Variants in LMX1B observed in about 807,000 individuals in gnomAD.
LMX1B encodes the protein LIM homeobox transcription factor 1-beta.
Under a neutral mutation model 51.4 loss-of-function variants are expected in LMX1B, and 12 were observed. That is an observed-to-expected ratio of 0.23 (90% CI 0.15 to 0.38). LMX1B has a LOEUF of 0.38. Ranked by LOEUF, LMX1B falls within the 10% of genes least tolerant of loss-of-function variation. LMX1B has a pLI of 1.00. For synonymous variants in LMX1B, 237 were observed against 235.4 expected, an observed-to-expected ratio of 1.01 and a Z score of -0.06; for missense variants, 445 against 571.1, an observed-to-expected ratio of 0.78 and a Z score of 2.25.
chr9:126,615,359 G>C lies in LMX1B; in HGVS notation c.140-24G>C. ...GCTGGGCCGGGCGGCGCTGACGGCC[G>C]GGCTTTCGCCCTGTGCGCTACAGGC... On this transcript the variant is annotated intron_variant, in intron 1 of 7. Coordinates refer to ENST00000373474, the MANE Select transcript of LMX1B (RefSeq NM_001174147.2). This position sits in a 1 kb window ranked among gnomAD's most constrained non-coding sequence, Gnocchi z 6.0. 1 of 1,524,880 alleles carries C rather than the reference G, an allele frequency of 6.6e-7. No homozygotes were observed. Among genetic ancestry groups the C allele is most frequent in the Non-Finnish European group, 8.8e-7 (1 of 1,139,424 alleles). 94.5% of individuals were successfully genotyped at this position (1,524,880 alleles called of 1,614,324 possible).
At chr9:126,678,240 G>A (rs1395588994) in intron 2 of LMX1B, among the ~76,000 whole-genome samples, 4 of 151,664 alleles carry the variant, frequency 2.6e-5, no homozygotes, top group African/African-American at 9.7e-5. Context: ...AATCCGGGAG[G>A]TGGAGCTTGC....
intron 2 of LMX1B, among the ~76,000 whole-genome samples, chr9:126,635,596 T>G (rs918082338): frequency 6.6e-6 from 1 of 152,178 alleles, no homozygotes; most frequent in African/African-American, 2.4e-5. Context: ...ACTTACCCTG[T>G]TTTTTTCACC....
chr9:126,624,168 C>G (rs1323650865), intron 2 of LMX1B, among the ~76,000 whole-genome samples: 3 of 152,358 alleles, frequency 2.0e-5, no homozygotes, highest in Admixed American at 6.5e-5. Flanking sequence ...GGCTGAAGCC[C>G]GGAGTCCAGG....
chr9:126,683,607 C>T (rs558549247), intron 2 of LMX1B, among the ~76,000 whole-genome samples: 36 of 152,162 alleles, frequency 2.4e-4, no homozygotes, highest in Non-Finnish European at 4.3e-4. Flanking sequence ...AGCCCCGTCC[C>T]GCCCACAACC....
chr9:126,700,421 C>T lies in LMX1B; in HGVS notation c.*3970C>T, dbSNP rs970332169. Reference sequence around the variant, plus strand: ...CCCCACTCTGCCCCCATCTGAATGTCCTTTTCATGTTGCACGCAGGGAACC... The same window carrying T: ...CCCCACTCTGCCCCCATCTGAATGTTCTTTTCATGTTGCACGCAGGGAACC... On this transcript the variant is annotated 3_prime_UTR_variant, in exon 8 of 8. Transcript: ENST00000373474. 3 of 152,394 alleles carry T rather than the reference C, an allele frequency of 2.0e-5. No homozygotes were observed. The highest frequency in any genetic ancestry group is 6.5e-5 in the Admixed American group (1 of 15,302). 9.4% of individuals were successfully genotyped at this position (152,394 alleles called of 1,614,324 possible).
chr9:126,672,504 C>T (rs1836476335), intron 2 of LMX1B, among the ~76,000 whole-genome samples: 2 of 152,184 alleles, frequency 1.3e-5, no homozygotes, highest in African/African-American at 2.4e-5. Flanking sequence ...AGTTGCCCCT[C>T]TCCCGAGTCT....
chr9:126,629,518 C>T (rs1321728513), intron 2 of LMX1B, among the ~76,000 whole-genome samples: 1 of 152,132 alleles, frequency 6.6e-6, no homozygotes, highest in East Asian at 1.9e-4. Flanking sequence ...CATTGTGTCA[C>T]GAGAAAACTT....
intron 2 of LMX1B, among the ~76,000 whole-genome samples, chr9:126,687,896 CAG>C (rs2029966766): frequency 6.6e-6 from 1 of 152,132 alleles, no homozygotes; most frequent in Non-Finnish European, 1.5e-5. Flanking sequence ...TGGGGGCTCA[CAG>C]AGAAGAGGGA....
intron 2 of LMX1B, among the ~76,000 whole-genome samples, chr9:126,663,444 A>G (rs972661635): frequency 4.0e-5 from 6 of 150,510 alleles, no homozygotes; most frequent in Admixed American, 6.6e-5. Context: ...AAAAAGAAAA[A>G]AAAAAGAATT....
At chr9:126,675,311 G>A (rs564824284) in intron 2 of LMX1B, among the ~76,000 whole-genome samples, 1 of 152,150 alleles carries the variant, frequency 6.6e-6, no homozygotes, top group African/African-American at 2.4e-5. Flanking sequence ...CTCTGGGGAG[G>A]GGACCGATGG....
intron 2 of LMX1B, among the ~76,000 whole-genome samples, chr9:126,637,978 C>T (rs1407013753): frequency 2.6e-5 from 4 of 152,104 alleles, no homozygotes; most frequent in African/African-American, 4.8e-5. Context: ...CCCGAGAGGA[C>T]GCACAATCCC....
At chr9:126,691,643 C>T (rs1354836771) in intron 3 of LMX1B, among the ~76,000 whole-genome samples, 1 of 152,162 alleles carries the variant, frequency 6.6e-6, no homozygotes, top group East Asian at 1.9e-4. Flanking sequence ...TGATGGCCCC[C>T]CACCAACCCG....
At chr9:126,675,000 A>T (rs977551532) in intron 2 of LMX1B, among the ~76,000 whole-genome samples, 4 of 152,214 alleles carry the variant, frequency 2.6e-5, no homozygotes, top group Non-Finnish European at 5.9e-5. Context: ...TAAATAAGTT[A>T]GGGTTTGCCC....
At chr9:126,647,449 G>A (rs909148659) in intron 2 of LMX1B, among the ~76,000 whole-genome samples, 7 of 152,088 alleles carry the variant, frequency 4.6e-5, no homozygotes, top group African/African-American at 1.2e-4. Flanking sequence ...TCACTTGCCC[G>A]TTCCTTTCAC....
At position 126,616,068 on chromosome 9, in the gene LMX1B, C is replaced by T. The variant is rs1327171961; in HGVS notation, c.326+499C>T. ...AGGGAGGCCCCCTTTCTGCCAGGCT[C>T]ACTGCTGCACTTTTAGTCCCTGATG... On this transcript the variant is annotated intron_variant, in intron 2 of 7. Coordinates refer to ENST00000373474, the MANE Select transcript of LMX1B (RefSeq NM_001174147.2). 2.0e-5 allele frequency among the ~76,000 whole-genome samples: 3 copies of T among 152,186 alleles called. No individual in the cohort carries two copies. In the East Asian group the frequency reaches 5.8e-4, roughly 29 times the overall value.
At chr9:126,665,771 C>G (rs1184703890) in intron 2 of LMX1B, among the ~76,000 whole-genome samples, 1 of 152,240 alleles carries the variant, frequency 6.6e-6, no homozygotes, top group Non-Finnish European at 1.5e-5. Flanking sequence ...CCCGGGTAGC[C>G]CGCTACCTCG....
intron 2 of LMX1B, among the ~76,000 whole-genome samples, chr9:126,653,324 T>G (rs1836056547): frequency 6.6e-6 from 1 of 151,804 alleles, no homozygotes; most frequent in African/African-American, 2.4e-5. Context: ...CCACTAATTT[T>G]TTGTATTTTT....
chr9:126,695,792 G>A lies in LMX1B; in HGVS notation c.887-47G>A. 6.2e-7 allele frequency: 1 copy of A among 1,605,412 alleles called. No individual in the cohort carries two copies. Among genetic ancestry groups the A allele is most frequent in the Non-Finnish European group, 8.5e-7 (1 of 1,175,158 alleles). Reference sequence around the variant, plus strand: ...AGGGGAGGCTGCTGGGGTGTAGCTGGGAGGGCGTGGACCAGGCCAGGGGGT... The same window carrying A: ...AGGGGAGGCTGCTGGGGTGTAGCTGAGAGGGCGTGGACCAGGCCAGGGGGT... On this transcript the variant is annotated intron_variant, in intron 6 of 7. Transcript: ENST00000373474. This position sits in a 1 kb window ranked among gnomAD's most constrained non-coding sequence, Gnocchi z 5.2.
In LMX1B at chr9:126,626,435, A is replaced by G. The variant is rs542690700; in HGVS notation, c.326+10866A>G. 3.3e-5 allele frequency among the ~76,000 whole-genome samples: 5 copies of G among 152,292 alleles called. No individual in the cohort carries two copies. The highest frequency in any genetic ancestry group is 9.6e-5 in the African/African-American group (4 of 41,568). ...GGCAGGACGAGTAGAGGGACAGGAC[A>G]TGGCCGGGGACCATGGGATTCGCTG... On this transcript the variant is annotated intron_variant, in intron 2 of 7. Transcript: ENST00000373474. This position sits in a 1 kb window ranked among gnomAD's most constrained non-coding sequence, Gnocchi z 4.3.
Sources: gnomAD v4.1 joint callset for allele counts (sites outside exome capture counted in the v4.1 genomes callset) on GRCh38, gnomAD v4.1.1 for gene constraint, Gnocchi (gnomAD v3.1) non-coding constraint, MANE v1.5 for transcripts, NCBI Gene and HGNC (gene_info 2026-07-23, HGNC 2026-07-21) for gene names.